The following TMC1 variants were observed in gnomAD, a reference collection of about 807,000 sequenced individuals.
TMC1 encodes transmembrane channel-like protein 1.
Under a neutral mutation model 105.8 loss-of-function variants are expected in TMC1, and 84 were observed. The observed-to-expected ratio is 0.79, with a 90% CI of 0.67 to 0.95. TMC1 has a LOEUF of 0.95. TMC1 is among the 40% of genes least tolerant of loss of function. The probability of loss-of-function intolerance (pLI) is 0.00; values close to 1 mark genes in which losing one functional copy is unlikely to be tolerated. For synonymous variants in TMC1, 315 were observed against 311.5 expected (o/e 1.01, Z -0.12); for missense variants, 817 against 914.1 (o/e 0.89, Z 1.37).
Position 72,755,069 on chromosome 9 carries a change from AGG to A in TMC1, c.741+187_741+188del, listed in dbSNP as rs368423344. Among the ~76,000 whole-genome samples, 2,332 of 92,544 alleles carry A rather than the reference AGG, an allele frequency of 0.025. 23 individuals carry two copies. The highest frequency in any genetic ancestry group is 0.074 in the East Asian group (224 of 3,010). The allele number at this position is 92,544 out of a possible 152,430, so 60.7% of individuals were successfully genotyped here. On this transcript the variant is annotated intron_variant, in intron 12 of 23. Transcript: ENST00000297784. ...GAGAGAGAGAGGGAGGGAGGGAGGG[AGG>A]GAGAGAGAGAGAGAGAGAGAGAGAG... is the stretch of plus-strand genomic sequence containing the variant.
At chr9:72,628,180 C>T in intron 4 of TMC1, 117 bp downstream of exon 4, 1 of 390,178 alleles carries the variant, frequency 2.6e-6, no homozygotes. Context: ...CAGAATGAGG[C>T]CTGGGTTTGC....
At chr9:72,650,393 A>G (rs1024751222) in intron 5 of TMC1, among the ~76,000 whole-genome samples, 3 of 152,168 alleles carry the variant, frequency 2.0e-5, no homozygotes, top group African/African-American at 7.2e-5. Context: ...GGTTCTGTAC[A>G]ATGTTCAGTG....
At chr9:72,775,770 T>G (rs891689821) in intron 13 of TMC1, among the ~76,000 whole-genome samples, 1 of 152,188 alleles carries the variant, frequency 6.6e-6, no homozygotes, top group Non-Finnish European at 1.5e-5. Context: ...AGTCAGCTTC[T>G]GCATCAAGTG....
intron 1 of TMC1, among the ~76,000 whole-genome samples, chr9:72,549,058 T>C (rs1823817055): frequency 6.6e-6 from 1 of 152,186 alleles, no homozygotes; most frequent in Non-Finnish European, 1.5e-5. Context: ...AATTTTAGAA[T>C]ACTTTATAAG....
rs151162393 is a variant in TMC1, at chr9:72,748,668, C to A, written c.536-3182C>A. On this transcript the variant is annotated intron_variant, in intron 10 of 23. Coordinates refer to ENST00000297784, the MANE Select transcript of TMC1 (RefSeq NM_138691.3). ...GAACATCAGTTTTAGTTAACAACAT[C>A]CGGTAGGATAGAACCACTAGATAAA... Among the ~76,000 whole-genome samples the A allele has an allele frequency of 3.9e-3, 591 of 152,234 alleles. 2 individuals are homozygous for A. Among genetic ancestry groups the A allele is most frequent in the African/African-American group, 0.014 (565 of 41,542 alleles).
chr9:72,615,772 G>C (rs952113466), intron 2 of TMC1, among the ~76,000 whole-genome samples: 2 of 123,538 alleles, frequency 1.6e-5, no homozygotes, highest in African/African-American at 3.3e-5. Flanking sequence ...TTTTTTCTTC[G>C]AGATAGGGTC....
intron 5 of TMC1, among the ~76,000 whole-genome samples, chr9:72,665,394 T>C (rs954207293): frequency 6.6e-6 from 1 of 152,244 alleles, no homozygotes; most frequent in African/African-American, 2.4e-5. Flanking sequence ...GGTTGGACTC[T>C]GGCACTATTT....
chr9:72,806,482 G>A, intron 18 of TMC1, among the ~76,000 whole-genome samples: 1 of 151,358 alleles, frequency 6.6e-6, no homozygotes, highest in Non-Finnish European at 1.5e-5. Flanking sequence ...CTGCCGGGCG[G>A]AGAGGCTCCT....
chr9:72,805,477 T>C lies in TMC1; in HGVS notation c.1662T>C (p.Asn554=). The C allele has an allele frequency of 1.9e-6, 3 of 1,613,930 alleles. No homozygotes were observed. The highest frequency in any genetic ancestry group is 1.7e-6 in the Non-Finnish European group (2 of 1,179,906). ...GGGCATGTTTTGTGAGGTTTTGCAA[T>C]TATTGCTGGTGCTGGGACTTGGAGT... ...FLRACFVRFC[N]YCWCWDLEYG... The change falls in exon 18 of 24, where the codon AAT becomes AAC. Residue 554 remains asparagine (N), a synonymous_variant. Coordinates refer to ENST00000297784, the MANE Select transcript of TMC1 (RefSeq NM_138691.3).
chr9:72,549,709 C>G (rs1457504194), intron 1 of TMC1, among the ~76,000 whole-genome samples: 1 of 151,120 alleles, frequency 6.6e-6, no homozygotes, highest in Non-Finnish European at 1.5e-5. Flanking sequence ...CTCCTGGGTT[C>G]AAGTGATTCT....
intron 3 of TMC1, among the ~76,000 whole-genome samples, chr9:72,620,418 A>G (rs946231664): frequency 6.9e-5 from 10 of 145,724 alleles, no homozygotes; most frequent in Non-Finnish European, 9.0e-5. Flanking sequence ...AATTAAAAAA[A>G]GAATTTTTTT....
chr9:72,742,940 G>C (rs527467732), intron 10 of TMC1, among the ~76,000 whole-genome samples: 1 of 152,316 alleles, frequency 6.6e-6, no homozygotes, highest in Admixed American at 6.5e-5. Context: ...GTTTTAACAA[G>C]TGAAGAAGTC....
intron 13 of TMC1, among the ~76,000 whole-genome samples, chr9:72,773,804 T>C (rs1827968110): frequency 6.6e-6 from 1 of 152,160 alleles, no homozygotes; most frequent in African/African-American, 2.4e-5. Flanking sequence ...TTCCGGTAAC[T>C]GTGCAGGCTG....
At chr9:72,830,945 C>T (rs971832307) in intron 23 of TMC1, among the ~76,000 whole-genome samples, 4 of 151,832 alleles carry the variant, frequency 2.6e-5, no homozygotes, top group Non-Finnish European at 2.9e-5. Flanking sequence ...TAAAAGTGAC[C>T]TTGAAAATGC....
intron 2 of TMC1, among the ~76,000 whole-genome samples, chr9:72,587,147 A>G (rs1824566544): frequency 6.8e-6 from 1 of 146,756 alleles, no homozygotes; most frequent in Non-Finnish European, 1.5e-5. Context: ...AAATCTGGTT[A>G]TGTAACAGAT....
intron 12 of TMC1, among the ~76,000 whole-genome samples, chr9:72,762,466 T>C (rs1343821876): frequency 2.0e-5 from 3 of 152,132 alleles, no homozygotes; most frequent in Non-Finnish European, 4.4e-5. Context: ...GTTATTTAGT[T>C]TCAACAGGTT....
chr9:72,837,843 T>G lies in TMC1; in HGVS notation c.*1870T>G, dbSNP rs1482436806. 1 of 152,214 alleles carries G rather than the reference T, an allele frequency of 6.6e-6. No homozygotes were observed. Among genetic ancestry groups the G allele is most frequent in the Non-Finnish European group, 1.5e-5 (1 of 68,032 alleles). The allele number at this position is 152,214 out of a possible 1,614,324, so 9.4% of individuals were successfully genotyped here. On this transcript the variant is annotated 3_prime_UTR_variant, in exon 24 of 24. Coordinates refer to ENST00000297784, the MANE Select transcript of TMC1 (RefSeq NM_138691.3). ...CACTGTTTCCCTGCCAGTTCTAAACTTTATTCCTCTGGTTGTCTTTTTCAG... is the reference window on the plus strand; with the variant it reads ...CACTGTTTCCCTGCCAGTTCTAAACGTTATTCCTCTGGTTGTCTTTTTCAG...
intron 12 of TMC1, among the ~76,000 whole-genome samples, chr9:72,755,986 C>T (rs1827670904): frequency 6.6e-6 from 1 of 152,114 alleles, no homozygotes; most frequent in African/African-American, 2.4e-5. Flanking sequence ...TTCATAGAGC[C>T]TTGAAGTAAG....
intron 3 of TMC1, among the ~76,000 whole-genome samples, chr9:72,620,326 T>C (rs969343170): frequency 1.3e-5 from 2 of 152,012 alleles, no homozygotes; most frequent in African/African-American, 4.8e-5. Flanking sequence ...ACTGAAGCCT[T>C]GACTTCTTGG....
Sources: allele counts gnomAD v4.1 joint callset (sites outside exome capture counted in the v4.1 genomes callset), GRCh38; gene constraint gnomAD v4.1.1; transcripts MANE v1.5; gene names NCBI Gene and HGNC (gene_info 2026-07-23, HGNC 2026-07-21).